DPP6: variants seen among roughly 807,000 people sequenced by gnomAD.
DPP6 encodes the protein A-type potassium channel modulatory protein DPP6.
Under a neutral mutation model 122.6 loss-of-function variants are expected in DPP6, and 69 were observed. The observed-to-expected ratio is 0.56, with a 90% confidence interval of 0.46 to 0.69. The LOEUF (loss-of-function observed/expected upper bound fraction) is 0.69. DPP6 is among the 30% of genes least tolerant of loss of function. The probability of loss-of-function intolerance (pLI) is 0.00; values close to 1 mark genes in which losing one functional copy is unlikely to be tolerated. For missense variants in DPP6, 928 were observed against 1,116.9 expected (o/e 0.83, Z 2.41); for synonymous variants, 418 against 433.1 (o/e 0.97, Z 0.43).
chr7:153,791,424 C>CTTTTTTTTTTTTTTTTTTTTTTTTT, the DPP6 span, among the ~76,000 whole-genome samples: 10 of 91,644 alleles, frequency 1.1e-4, 2 homozygotes, highest in African/African-American at 1.7e-4. Flanking sequence ...TCCTTCCTTT[C>CTTTTTTTTTTTTTTTTTTTTTTTTT]TTTTTTTTTT....
chr7:153,783,193 G>C, the DPP6 span, among the ~76,000 whole-genome samples: 1 of 152,116 alleles, frequency 6.6e-6, no homozygotes, highest in Non-Finnish European at 1.5e-5. Flanking sequence ...TTCTCACGCT[G>C]CTATGAAGAA....
chr7:154,387,696 G>A (rs1181357900), intron 1 of DPP6, among the ~76,000 whole-genome samples: 2 of 151,854 alleles, frequency 1.3e-5, no homozygotes, highest in African/African-American at 2.4e-5. Context: ...CCCCCCAACC[G>A]AGCCCCACAG....
intron 1 of DPP6, among the ~76,000 whole-genome samples, chr7:154,082,663 A>C (rs1442594379): frequency 6.6e-6 from 1 of 151,544 alleles, no homozygotes; most frequent in South Asian, 2.1e-4. Context: ...CCCTTCCTCC[A>C]CTGTCAGAGG....
At chr7:154,148,565 C>A in intron 1 of DPP6, among the ~76,000 whole-genome samples, 1 of 152,132 alleles carries the variant, frequency 6.6e-6, no homozygotes, top group Non-Finnish European at 1.5e-5. Context: ...ACCCCCAGAG[C>A]TTGCCCTGTG....
chr7:154,376,651 T>C (rs1813153351), intron 1 of DPP6, among the ~76,000 whole-genome samples: 1 of 152,226 alleles, frequency 6.6e-6, no homozygotes. Flanking sequence ...TCCTGGTTAA[T>C]TGACTTGCAA....
At chr7:154,615,394 T>TA (rs1563013843) in intron 5 of DPP6, among the ~76,000 whole-genome samples, 1 of 152,242 alleles carries the variant, frequency 6.6e-6, no homozygotes, top group African/African-American at 2.4e-5. Flanking sequence ...CTAGGGTTTT[T>TA]ATTCACCGTA....
chr7:153,868,134 C>A, the DPP6 span, among the ~76,000 whole-genome samples: 19 of 151,548 alleles, frequency 1.3e-4, no homozygotes, highest in East Asian at 5.8e-4. Flanking sequence ...TGTCTCTGCC[C>A]GGCTTTGGTA....
At chr7:153,988,340 C>T (rs905038092) in intron 1 of DPP6, among the ~76,000 whole-genome samples, 125 of 144,956 alleles carry the variant, frequency 8.6e-4, no homozygotes, top group Non-Finnish European at 1.6e-3. Flanking sequence ...CCAGGATGGC[C>T]CTCCTGGTTG....
intron 1 of DPP6, among the ~76,000 whole-genome samples, chr7:154,406,618 A>T (rs1816138039): frequency 6.6e-6 from 1 of 152,238 alleles, no homozygotes; most frequent in Non-Finnish European, 1.5e-5. Context: ...GGTTTCATAA[A>T]TACAATGAAT....
chr7:154,839,406 G>A (rs1451275197), intron 16 of DPP6, among the ~76,000 whole-genome samples: 6 of 152,248 alleles, frequency 3.9e-5, no homozygotes, highest in African/African-American at 1.4e-4. Context: ...CCCAGTAGAG[G>A]ACTGAGTCTG....
chr7:154,273,547 T>C (rs1386874181), intron 1 of DPP6, among the ~76,000 whole-genome samples: 1 of 152,184 alleles, frequency 6.6e-6, no homozygotes, highest in Non-Finnish European at 1.5e-5. Context: ...GGATGGGTTA[T>C]TTTCTGTGTA....
chr7:154,713,297 G>A (rs1841302803), intron 7 of DPP6, among the ~76,000 whole-genome samples: 1 of 152,186 alleles, frequency 6.6e-6, no homozygotes, highest in South Asian at 2.1e-4. Flanking sequence ...GCAAGCTATT[G>A]GTGGATCTAC....
chr7:154,560,169 C>G (rs2130469403), intron 4 of DPP6, among the ~76,000 whole-genome samples: 1 of 151,912 alleles, frequency 6.6e-6, no homozygotes, highest in South Asian at 2.1e-4. Context: ...CAACATATGG[C>G]CAGGTTTTGG....
the DPP6 span, among the ~76,000 whole-genome samples, chr7:153,880,325 T>C: frequency 3.9e-5 from 6 of 152,250 alleles, no homozygotes; most frequent in Non-Finnish European, 8.8e-5. Flanking sequence ...ATATGTAAAG[T>C]AATTTCACAT....
chr7:153,816,728 C>A, the DPP6 span, among the ~76,000 whole-genome samples: 121 of 152,148 alleles, frequency 8.0e-4, no homozygotes, highest in African/African-American at 2.9e-3. Context: ...GAATCCATGG[C>A]TCAGAGCACA....
intron 1 of DPP6, among the ~76,000 whole-genome samples, chr7:154,208,954 C>A (rs758235268): frequency 2.6e-5 from 4 of 152,194 alleles, no homozygotes; most frequent in Non-Finnish European, 5.9e-5. Flanking sequence ...CAAAGAAACA[C>A]ATGCACATGG....
rs562496932 is a variant in DPP6 at position 154,127,747 on chromosome 7, CTG to C, written c.243+74687_243+74688del. On this transcript the variant is annotated intron_variant, in intron 1 of 25. Transcript: ENST00000377770. The stretch of plus-strand genomic sequence containing the variant: ...GCATCGTTGCCCAGCGTTGGCCAGA[CTG>C]TGATCTGTTTCTGTCCAAGAATGAA... Among the ~76,000 whole-genome samples, 235 of 152,208 alleles carry C rather than the reference CTG, an allele frequency of 1.5e-3. 3 individuals are homozygous for C. The highest frequency in any genetic ancestry group is 5.4e-3 in the African/African-American group (224 of 41,522).
rs58430009 is a variant in DPP6 at position 154,481,346 on chromosome 7, G to GTGTGTGTGTGTGTGTGT, written c.457+6309_457+6310insTGTGTGTGTGTGTGTGT. On this transcript the variant is annotated intron_variant, in intron 3 of 25. Coordinates refer to ENST00000377770, the MANE Select transcript of DPP6 (RefSeq NM_130797.4). The surrounding 1 kb of genome is among the most constrained non-coding windows in gnomAD (Gnocchi z 4.2). ...ATACACTTGGAGAGAGAGAGAGAGG[G>GTGTGTGTGTGTGTGTGT]GTGTGTGTGTGTGTGTGTGTGTGTG... Among the ~76,000 whole-genome samples the GTGTGTGTGTGTGTGTGT allele has an allele frequency of 7.4e-5, 11 of 147,958 alleles. No homozygotes were observed. The highest frequency in any genetic ancestry group is 1.4e-4 in the Admixed American group (2 of 14,710).
chr7:154,039,206 T>C (rs1563122795), intron 1 of DPP6, among the ~76,000 whole-genome samples: 2 of 133,562 alleles, frequency 1.5e-5, no homozygotes, highest in Non-Finnish European at 3.1e-5. Flanking sequence ...TACGAATAAA[T>C]TCAGAGTTCA....
Sources: allele counts gnomAD v4.1 joint callset (sites outside exome capture counted in the v4.1 genomes callset), GRCh38; gene constraint gnomAD v4.1.1; non-coding constraint Gnocchi (gnomAD v3.1); transcripts MANE v1.5; gene names NCBI Gene and HGNC (gene_info 2026-07-23, HGNC 2026-07-21).